Variants in IGFN1 observed in about 807,000 individuals in gnomAD.
IGFN1 encodes the protein immunoglobulin-like and fibronectin type III domain-containing protein 1.
IGFN1 carries 253 observed loss-of-function variants against 289.5 expected under a neutral mutation model. The observed-to-expected ratio is 0.87, with a 90% confidence interval of 0.79 to 0.97. The LOEUF (loss-of-function observed/expected upper bound fraction) is 0.97, where lower values mean the gene tolerates loss of function less well. Among genes scored for constraint, IGFN1 ranks in the 50% least tolerant of loss-of-function variants. The pLI, the probability that IGFN1 is intolerant of heterozygous loss-of-function variation, is 0.00. For missense variants in IGFN1, 4,470 were observed against 4,686.1 expected (o/e 0.95, Z 1.35); for synonymous variants, 1,706 against 1,788.5 (o/e 0.95, Z 1.16).
At position 201,226,356 on chromosome 1, in the gene IGFN1, G is replaced by A. The variant is rs567842455; in HGVS notation, c.10786+233G>A. Among the ~76,000 whole-genome samples, 27 of 152,352 alleles carry A rather than the reference G, an allele frequency of 1.8e-4. 1 individual carries two copies. In the South Asian group the frequency reaches 3.9e-3, roughly 22 times the overall value. On this transcript the variant is annotated intron_variant, in intron 22 of 23. Transcript: ENST00000335211. ...CCTCCGTGGGAAGAATGAGATTGGT[G>A]TGGGTGTTTTGGTGTCTGAGGTGCC...
rs1196728309 is a variant in IGFN1 at position 201,208,228 on chromosome 1, C to G, written c.3335C>G (p.Ser1112Cys). The change falls in exon 12 of 24, where the codon TCT (serine) becomes TGT (cysteine). Residue 1112 changes from serine (S) to cysteine (C), a missense_variant. Physicochemically the swap from Ser to Cys is moderately radical, Grantham distance 112. This residue lies in a region of IGFN1 where 2,011 missense variants were observed against 1,953.4 expected (regional missense o/e 1.03). Transcript: ENST00000335211. ...TGTGTGGAAGCAGAACCAGAGAGCT[C>G]TGGAAGAATAAGGCCTTGGGGTCAG... ...MGCVEAEPES[S>C]GRIRPWGQTG... 6.5e-7 allele frequency: 1 copy of G among 1,536,618 alleles called. No homozygotes were observed. The highest frequency in any genetic ancestry group is 8.7e-7 in the Non-Finnish European group (1 of 1,146,810).
rs1234475848 is a variant in IGFN1 at position 201,206,606 on chromosome 1, G to A, written c.1713G>A (p.Leu571=). 2.6e-6 allele frequency: 4 copies of A among 1,545,494 alleles called. No homozygotes were observed. Among genetic ancestry groups the A allele is most frequent in the Middle Eastern group, 1.7e-4 (1 of 5,992 alleles). Residue 571 remains leucine (L), a synonymous_variant, in exon 12 of 24, where the codon CTG becomes CTA. Transcript: ENST00000335211. ...CCAGTCGGCTTCAGGCTGGAGGACT[G>A]GGGAGCAGCAGGGAAGGAAAGGAGC... ...AGSSRLQAGG[L]GSSREGKEHR... is the part of the protein sequence containing the mutation.
intron 17 of IGFN1, 95 bp downstream of exon 17, chr1:201,217,555 T>A: frequency 1.5e-6 from 2 of 1,343,700 alleles, no homozygotes; most frequent in Non-Finnish European, 2.1e-6. Context: ...ATACAGTCGT[T>A]CTCGTCTAGG....
intron 19 of IGFN1, 88 bp downstream of exon 19, chr1:201,221,834 C>A: frequency 8.9e-7 from 1 of 1,122,822 alleles, no homozygotes; most frequent in Non-Finnish European, 1.3e-6. Flanking sequence ...ACTTACTAAG[C>A]CAGGATCCCC....
rs1170254524 is a variant in IGFN1 at position 201,208,142 on chromosome 1, A to C, written c.3249A>C (p.Thr1083=). Residue 1083 remains threonine, a synonymous_variant, in exon 12 of 24, where the codon ACA becomes ACC. Coordinates refer to ENST00000335211, the MANE Select transcript of IGFN1 (RefSeq NM_001164586.2). Reference sequence around the variant, plus strand: ...GTGGCCTAGGGAGTCCTGGGGTGACAGGGTCTGCGGGTAGAGGTGGTCTCA... The same window carrying C: ...GTGGCCTAGGGAGTCCTGGGGTGACCGGGTCTGCGGGTAGAGGTGGTCTCA... The part of the protein sequence containing the change: ...SDGGLGSPGV[T]GSAGRGGLKA... 12 of 1,536,852 alleles carry C rather than the reference A, an allele frequency of 7.8e-6. No individual in the cohort carries two copies. Among genetic ancestry groups the C allele is most frequent in the Non-Finnish European group, 1.0e-5 (12 of 1,146,834 alleles).
chr1:201,201,227 T>C (rs1197674444), intron 8 of IGFN1, among the ~76,000 whole-genome samples: 11 of 152,208 alleles, frequency 7.2e-5, no homozygotes, highest in Admixed American at 7.2e-4. Flanking sequence ...GGAATTTCTT[T>C]CCTGTGTCTA....
Position 201,227,185 on chromosome 1 carries a change from G to A in IGFN1, c.11090G>A (p.Ser3697Asn), listed in dbSNP as rs772833349. ...VAENTLGQAV[S>N]TATLIVIEPS... ...GAGAACACGCTGGGCCAGGCAGTCA[G>A]CACTGCCACCCTCATTGTCATAGGT... The change falls in exon 23 of 24, where the codon AGC becomes AAC. Residue 3697 changes from serine to asparagine, a missense_variant. By Grantham distance (46) the Ser-to-Asn change is conservative. Coordinates refer to ENST00000335211, the MANE Select transcript of IGFN1 (RefSeq NM_001164586.2). The A allele has an allele frequency of 8.1e-6, 13 of 1,602,100 alleles. No homozygotes were observed. Among genetic ancestry groups the A allele is most frequent in the South Asian group, 4.5e-5 (4 of 89,496 alleles).
intron 10 of IGFN1, among the ~76,000 whole-genome samples, chr1:201,204,209 C>T (rs1558138426): frequency 6.6e-6 from 1 of 152,220 alleles, no homozygotes; most frequent in African/African-American, 2.4e-5. Flanking sequence ...AGATCAGATC[C>T]AGACTAATTG....
Position 201,221,536 on chromosome 1 carries a change from G to T in IGFN1, c.9991G>T (p.Asp3331Tyr), listed in dbSNP as rs1442658777. 1.9e-6 allele frequency: 3 copies of T among 1,614,046 alleles called. No individual in the cohort carries two copies. The highest frequency in any genetic ancestry group is 2.5e-6 in the Non-Finnish European group (3 of 1,180,016). Residue 3331 changes from aspartate to tyrosine, a missense_variant, in exon 19 of 24, where the codon GAT becomes TAT. Physicochemically the swap from Asp to Tyr is radical, Grantham distance 160 (BLOSUM62 -3). This residue lies in a region of IGFN1 where 2,218 missense variants were observed against 2,114.1 expected (regional missense o/e 1.05). Transcript: ENST00000335211. ...GGCTGGGCCAGACACCCAGGAAGGG[G>T]ATGAAGCCCAGGGGTATGTGGTGGA... The part of the protein sequence containing the change: ...SWAGPDTQEG[D>Y]EAQGYVVELC...
At chr1:201,203,270 A>G (rs1667240695) in intron 9 of IGFN1, among the ~76,000 whole-genome samples, 1 of 152,214 alleles carries the variant, frequency 6.6e-6, no homozygotes, top group Admixed American at 6.5e-5. Context: ...TCTAGGGCTT[A>G]GTTAAAGCAG....
In IGFN1 at chr1:201,203,906, G is replaced by A; in HGVS notation, c.916G>A (p.Ala306Thr). ...VVFSTELEAS[A>T]IPPRVVVPLA... ...CTTCTCCACAGAACTGGAGGCCAGTGGTGAGTGGTCTACACTGCCGAAGTT... is the reference window on the plus strand; with the variant it reads ...CTTCTCCACAGAACTGGAGGCCAGTAGTGAGTGGTCTACACTGCCGAAGTT... Residue 306 changes from alanine (A) to threonine (T), a missense_variant and splice_region_variant, in exon 10 of 24, where the codon GCC (alanine) becomes ACC (threonine). Transcript: ENST00000335211. The A allele has an allele frequency of 6.4e-7, 1 of 1,551,274 alleles. No individual in the cohort carries two copies.
Position 201,214,267 on chromosome 1 carries a change from T to C in IGFN1, c.8819T>C (p.Leu2940Pro). The C allele has an allele frequency of 1.2e-6, 2 of 1,613,020 alleles. No individual in the cohort carries two copies. Among genetic ancestry groups the C allele is most frequent in the Non-Finnish European group, 1.7e-6 (2 of 1,179,246 alleles). The change falls in exon 13 of 24, where the codon CTG becomes CCG. Residue 2940 changes from leucine to proline, a missense_variant. By Grantham distance (98) the Leu-to-Pro change is moderately conservative (BLOSUM62 -3). Coordinates refer to ENST00000335211, the MANE Select transcript of IGFN1 (RefSeq NM_001164586.2). ...CTCTCCTGTACCCTCACCAGTGACC[T>C]GGGACCTGGCACCTGGTTTAAGGAT... ...ATLSCTLTSDLGPGTWFKDGV... is the reference protein window; with the variant it reads ...ATLSCTLTSDPGPGTWFKDGV...
intron 22 of IGFN1, 54 bp downstream of exon 22, chr1:201,226,177 T>G: frequency 6.8e-7 from 1 of 1,479,074 alleles, no homozygotes; most frequent in Non-Finnish European, 9.0e-7. Flanking sequence ...CGCTCTGCAA[T>G]GCAGTGGGAT....
intron 11 of IGFN1, among the ~76,000 whole-genome samples, 182 bp downstream of exon 11, chr1:201,205,536 C>T (rs1191321992): frequency 8.5e-5 from 13 of 152,210 alleles, no homozygotes; most frequent in Non-Finnish European, 1.0e-4. Context: ...CTCAGCTGTG[C>T]CTGCTCTACT....
chr1:201,227,453 G>T (rs1363455439), intron 23 of IGFN1, among the ~76,000 whole-genome samples: 1 of 149,836 alleles, frequency 6.7e-6, no homozygotes, highest in East Asian at 2.0e-4. Flanking sequence ...TTGAGACGGA[G>T]TTTCGCTCTT....
In IGFN1 at chr1:201,206,896, A is replaced by G; in HGVS notation, c.2003A>G (p.Asn668Ser). The change falls in exon 12 of 24, where the codon AAT (asparagine) becomes AGT (serine). Residue 668 changes from asparagine to serine, a missense_variant. Coordinates refer to ENST00000335211, the MANE Select transcript of IGFN1 (RefSeq NM_001164586.2). Reference sequence around the variant, plus strand: ...GGCCTGGGAGAAGCTGGAGACAGCAATGGGGCAGGAGGTCCTGGCACCCTG... The same window carrying G: ...GGCCTGGGAGAAGCTGGAGACAGCAGTGGGGCAGGAGGTCCTGGCACCCTG... ...GTGLGEAGDS[N>S]GAGGPGTLEL... 2 of 1,536,266 alleles carry G rather than the reference A, an allele frequency of 1.3e-6. No individual in the cohort carries two copies. The highest frequency in any genetic ancestry group is 1.7e-6 in the Non-Finnish European group (2 of 1,146,474).
intron 9 of IGFN1, among the ~76,000 whole-genome samples, chr1:201,202,705 C>T (rs1261571980): frequency 6.7e-6 from 1 of 149,802 alleles, no homozygotes; most frequent in South Asian, 2.1e-4. Context: ...CTTTCTTTTT[C>T]TTTCTTTCTT....
Position 201,207,915 on chromosome 1 carries a change from G to A in IGFN1, c.3022G>A (p.Gly1008Arg). 6.5e-7 allele frequency: 1 copy of A among 1,536,826 alleles called. No individual in the cohort carries two copies. The highest frequency in any genetic ancestry group is 8.7e-7 in the Non-Finnish European group (1 of 1,146,762). The change falls in exon 12 of 24, where the codon GGG becomes AGG. Residue 1008 changes from glycine to arginine, a missense_variant. Physicochemically the swap from Gly to Arg is moderately radical, Grantham distance 125. This residue lies in a region of IGFN1 where 2,011 missense variants were observed against 1,953.4 expected (regional missense o/e 1.03). Coordinates refer to ENST00000335211, the MANE Select transcript of IGFN1 (RefSeq NM_001164586.2). Reference protein sequence around the residue: ...PAGVESEEGGGYRHGSGAPGG... With the variant: ...PAGVESEEGGRYRHGSGAPGG... ...GGGAGTGGAGTCTGAGGAAGGGGGT[G>A]GGTACAGGCATGGCTCCGGAGCGCC...
At chr1:201,225,109 G>T (rs1157849159) in intron 21 of IGFN1, among the ~76,000 whole-genome samples, 1 of 152,224 alleles carries the variant, frequency 6.6e-6, no homozygotes, top group African/African-American at 2.4e-5. Flanking sequence ...GTCATGTCAT[G>T]TCTCCTCTCC....
Sources: allele counts gnomAD v4.1 joint callset (sites outside exome capture counted in the v4.1 genomes callset), GRCh38; gene constraint gnomAD v4.1.1; regional missense constraint gnomAD v4.1.1; transcripts MANE v1.5; gene names NCBI Gene and HGNC (gene_info 2026-07-23, HGNC 2026-07-21).